The following HIVEP3 variants were observed in gnomAD, a reference collection of about 807,000 sequenced individuals.
The protein encoded by HIVEP3 is transcription factor HIVEP3.
Under a neutral mutation model 152.8 loss-of-function variants are expected in HIVEP3, and 49 were observed. The observed-to-expected ratio is 0.32, with a 90% CI of 0.26 to 0.41. The LOEUF is 0.41. Ranked by LOEUF, HIVEP3 falls within the 10% of genes least tolerant of loss-of-function variation. HIVEP3 has a pLI of 1.00. For synonymous variants in HIVEP3, 1,269 were observed against 1,289.0 expected (o/e 0.98, Z 0.33); for missense variants, 2,790 against 3,103.3 (o/e 0.90, Z 2.40).
chr1:41,760,598 C>T (rs1016345934), intron 1 of HIVEP3, among the ~76,000 whole-genome samples: 1 of 152,192 alleles, frequency 6.6e-6, no homozygotes, highest in Admixed American at 6.5e-5. Flanking sequence ...TAGATACTTG[C>T]TGATTGAATA....
chr1:41,690,108 T>C (rs1342333466), intron 2 of HIVEP3, among the ~76,000 whole-genome samples: 1 of 152,254 alleles, frequency 6.6e-6, no homozygotes, highest in Non-Finnish European at 1.5e-5. Context: ...GAGGATTGTT[T>C]TGGGTGCTGG....
At chr1:41,807,257 T>C (rs1650686654) in intron 1 of HIVEP3, among the ~76,000 whole-genome samples, 1 of 152,070 alleles carries the variant, frequency 6.6e-6, no homozygotes, top group African/African-American at 2.4e-5. Flanking sequence ...TAGCCAGGGC[T>C]CAAGAATGAA....
At chr1:41,654,518 T>C (rs2124025856) in intron 2 of HIVEP3, among the ~76,000 whole-genome samples, 1 of 152,356 alleles carries the variant, frequency 6.6e-6, no homozygotes, top group Non-Finnish European at 1.5e-5. Context: ...GTTGCAAAGA[T>C]AGAACAGAGA....
chr1:41,661,081 AT>A (rs562885817), intron 2 of HIVEP3, among the ~76,000 whole-genome samples: 3 of 152,122 alleles, frequency 2.0e-5, no homozygotes, highest in Non-Finnish European at 4.4e-5. Context: ...TCTACAAAAC[AT>A]TTTTTACTTA....
intron 1 of HIVEP3, among the ~76,000 whole-genome samples, chr1:41,951,895 G>A (rs1645111020): frequency 6.6e-6 from 1 of 152,134 alleles, no homozygotes; most frequent in Non-Finnish European, 1.5e-5. Context: ...GATGAGATTT[G>A]GGTGGGGACA....
rs1368337537 is a variant in HIVEP3, at chr1:41,697,616, G to T, written c.-721+3300C>A. Among the ~76,000 whole-genome samples the T allele has an allele frequency of 1.1e-4, 16 of 152,176 alleles. 1 individual carries two copies. Among genetic ancestry groups the T allele is most frequent in the Non-Finnish European group, 2.4e-4 (16 of 68,032 alleles). ...AGGGTGAGGGAGAGCGAGTTGGCTGGAGAGGCTGCTGTCTAAACTCTCAGT... is the reference window on the plus strand; with the variant it reads ...AGGGTGAGGGAGAGCGAGTTGGCTGTAGAGGCTGCTGTCTAAACTCTCAGT... On this transcript the variant is annotated intron_variant, in intron 2 of 8. Coordinates refer to ENST00000372583, the MANE Select transcript of HIVEP3 (RefSeq NM_024503.5).
chr1:41,608,738 C>T (rs1644855982), intron 3 of HIVEP3, among the ~76,000 whole-genome samples: 1 of 152,156 alleles, frequency 6.6e-6, no homozygotes, highest in Non-Finnish European at 1.5e-5. Flanking sequence ...GGATGACTTC[C>T]TATCTTGTTT....
intron 3 of HIVEP3, among the ~76,000 whole-genome samples, chr1:41,615,355 A>G (rs888316909): frequency 1.1e-4 from 17 of 152,208 alleles, no homozygotes; most frequent in African/African-American, 3.9e-4. Context: ...CTTGGGATGC[A>G]CTGGGGCTGC....
chr1:41,768,590 C>T (rs776994405), intron 1 of HIVEP3, among the ~76,000 whole-genome samples: 2 of 152,224 alleles, frequency 1.3e-5, no homozygotes, highest in Non-Finnish European at 2.9e-5. Context: ...GCTCCTTTGA[C>T]GTATATAGAC....
chr1:41,546,298 G>A (rs1278464561), intron 5 of HIVEP3, among the ~76,000 whole-genome samples: 1 of 152,188 alleles, frequency 6.6e-6, no homozygotes, highest in African/African-American at 2.4e-5. Context: ...AAGTCTCCCA[G>A]GAGCTGCCTC....
At chr1:41,728,485 G>C (rs113197629) in intron 1 of HIVEP3, among the ~76,000 whole-genome samples, 9 of 152,082 alleles carry the variant, frequency 5.9e-5, no homozygotes, top group African/African-American at 2.2e-4. Flanking sequence ...GGGGAGTAAG[G>C]GGGGGTGAAA....
chr1:41,950,898 T>C, intron 1 of HIVEP3, among the ~76,000 whole-genome samples: 1 of 152,228 alleles, frequency 6.6e-6, no homozygotes, highest in East Asian at 1.9e-4. Flanking sequence ...AAAATGATAC[T>C]TTGTTAACAG....
At chr1:41,647,395 T>G (rs568883314) in intron 2 of HIVEP3, among the ~76,000 whole-genome samples, 1 of 152,186 alleles carries the variant, frequency 6.6e-6, no homozygotes, top group Non-Finnish European at 1.5e-5. Flanking sequence ...TTAGCACACA[T>G]CACCATTGAA....
At chr1:41,750,043 T>C (rs1240427418) in intron 1 of HIVEP3, among the ~76,000 whole-genome samples, 1 of 152,202 alleles carries the variant, frequency 6.6e-6, no homozygotes, top group East Asian at 1.9e-4. Flanking sequence ...GGTTCTGTAA[T>C]CCTTAGAGGC....
At chr1:41,657,676 A>G (rs1413040966) in intron 2 of HIVEP3, among the ~76,000 whole-genome samples, 1 of 152,240 alleles carries the variant, frequency 6.6e-6, no homozygotes. Flanking sequence ...GTCACCCTGT[A>G]GGTAAGTGTG....
At chr1:41,949,817 G>A (rs746003590) in intron 1 of HIVEP3, among the ~76,000 whole-genome samples, 4 of 152,136 alleles carry the variant, frequency 2.6e-5, no homozygotes, top group Non-Finnish European at 4.4e-5. Flanking sequence ...AATCTACCGT[G>A]GATCCCTGGA....
At chr1:41,852,894 C>T (rs1348239852) in intron 1 of HIVEP3, among the ~76,000 whole-genome samples, 1 of 152,224 alleles carries the variant, frequency 6.6e-6, no homozygotes, top group Non-Finnish European at 1.5e-5. Flanking sequence ...CAGCTGAGCA[C>T]AGATTTCACG....
intron 1 of HIVEP3, among the ~76,000 whole-genome samples, chr1:42,004,530 T>A (rs1249395285): frequency 6.6e-6 from 1 of 152,142 alleles, no homozygotes; most frequent in African/African-American, 2.4e-5. Flanking sequence ...GAATGGTTGC[T>A]TGGAAGGCAA....
intron 1 of HIVEP3, among the ~76,000 whole-genome samples, chr1:42,015,072 C>A (rs991340577): frequency 7.2e-5 from 11 of 152,200 alleles, no homozygotes; most frequent in African/African-American, 2.7e-4. Flanking sequence ...GAAAGTGAGA[C>A]AGCTTCCGAG....
Sources: gnomAD v4.1 joint callset for allele counts (sites outside exome capture counted in the v4.1 genomes callset) on GRCh38, gnomAD v4.1.1 for gene constraint, MANE v1.5 for transcripts, NCBI Gene and HGNC (gene_info 2026-07-23, HGNC 2026-07-21) for gene names.